The following RCAN2 variants were observed in gnomAD, a reference collection of about 807,000 sequenced individuals.
RCAN2 encodes the protein calcipressin-2.
A neutral mutation model predicts 23.6 loss-of-function variants in RCAN2; 9 were observed. That is an observed-to-expected ratio of 0.38 (90% CI 0.23 to 0.67). The LOEUF (loss-of-function observed/expected upper bound fraction) is 0.67. Ranked by LOEUF, RCAN2 falls within the 30% of genes least tolerant of loss-of-function variation. RCAN2 has a pLI of 0.51. For missense variants in RCAN2, 273 were observed against 302.3 expected (o/e 0.90, Z 0.72); for synonymous variants, 109 against 115.7 (o/e 0.94, Z 0.37).
intron 2 of RCAN2, among the ~76,000 whole-genome samples, chr6:46,369,838 C>G (rs183823775): frequency 2.0e-5 from 3 of 152,246 alleles, no homozygotes; most frequent in Admixed American, 2.0e-4. Context: ...ACAAGAGCAG[C>G]TAATCACTTT....
intron 1 of RCAN2, among the ~76,000 whole-genome samples, chr6:46,476,507 A>G (rs186480432): frequency 1.3e-5 from 2 of 152,320 alleles, no homozygotes; most frequent in Admixed American, 1.3e-4. Flanking sequence ...GAGTAACAAA[A>G]CATGGTGCCA....
Position 46,456,988 on chromosome 6 carries a change from C to A in RCAN2, c.-2-10G>T. 1.3e-6 allele frequency: 2 copies of A among 1,524,712 alleles called. No homozygotes were observed. Among genetic ancestry groups the A allele is most frequent in the Non-Finnish European group, 1.8e-6 (2 of 1,123,946 alleles). 94.4% of individuals were successfully genotyped at this position (1,524,712 alleles called of 1,614,324 possible). A position where few individuals can be genotyped will look rare whatever the true frequency, so the allele number is the denominator to read the frequency against. ...GATTCTCCCCTCATTCCTGGGGATA[C>A]AAAGATGAGCATGTGTTACTGCAGA... On this transcript the variant is annotated splice_polypyrimidine_tract_variant and intron_variant, in intron 1 of 4. Transcript: ENST00000371374.
chr6:46,432,549 A>G (rs1331891071), intron 2 of RCAN2, among the ~76,000 whole-genome samples: 1 of 152,100 alleles, frequency 6.6e-6, no homozygotes, highest in Non-Finnish European at 1.5e-5. Context: ...TAAATAAATA[A>G]TTTGGTGTGC....
intron 1 of RCAN2, among the ~76,000 whole-genome samples, chr6:46,473,670 G>A (rs1168566498): frequency 6.6e-6 from 1 of 152,042 alleles, no homozygotes; most frequent in African/African-American, 2.4e-5. Context: ...ACTAACTTGG[G>A]ATTTTTTTAA....
intron 2 of RCAN2, among the ~76,000 whole-genome samples, chr6:46,349,144 A>C (rs1764574713): frequency 6.6e-6 from 1 of 152,212 alleles, no homozygotes; most frequent in East Asian, 1.9e-4. Flanking sequence ...CTTGTTTCAC[A>C]GCTTTTATTG....
intron 2 of RCAN2, among the ~76,000 whole-genome samples, chr6:46,320,895 C>T (rs905832858): frequency 6.6e-6 from 1 of 152,028 alleles, no homozygotes; most frequent in Non-Finnish European, 1.5e-5. Flanking sequence ...AAAAGAGTCT[C>T]CTTAAAAAAA....
intron 4 of RCAN2, among the ~76,000 whole-genome samples, chr6:46,228,578 C>T (rs569437591): frequency 6.6e-6 from 1 of 152,238 alleles, no homozygotes; most frequent in East Asian, 1.9e-4. Context: ...TCTGTTTTAT[C>T]AGAGACTAGG....
At chr6:46,414,467 G>A (rs9395189) in intron 2 of RCAN2, among the ~76,000 whole-genome samples, 62,160 of 152,100 alleles carry the variant, frequency 0.41, 15,677 homozygotes, top group East Asian at 0.6. Flanking sequence ...CTTATGTGTC[G>A]AACTTGGCTA....
At chr6:46,243,539 G>A (rs1056027133) in intron 4 of RCAN2, among the ~76,000 whole-genome samples, 19 of 152,174 alleles carry the variant, frequency 1.2e-4, no homozygotes, top group African/African-American at 4.3e-4. Flanking sequence ...GGCCTAGCGC[G>A]GTGGCTCATG....
intron 2 of RCAN2, among the ~76,000 whole-genome samples, chr6:46,353,148 G>GT (rs1443526254): frequency 6.6e-6 from 1 of 152,134 alleles, no homozygotes; most frequent in Non-Finnish European, 1.5e-5. Flanking sequence ...CCCTGGGTGG[G>GT]TTTTTAGTAT....
chr6:46,467,837 C>T (rs1397957265), intron 1 of RCAN2, among the ~76,000 whole-genome samples: 4 of 152,188 alleles, frequency 2.6e-5, no homozygotes, highest in Admixed American at 6.5e-5. Flanking sequence ...GAGACTGTAC[C>T]TCCACAGTGA....
chr6:46,305,110 C>T (rs926128945), intron 2 of RCAN2, among the ~76,000 whole-genome samples: 4 of 152,120 alleles, frequency 2.6e-5, no homozygotes, highest in African/African-American at 7.2e-5. Flanking sequence ...CAGTTTGCAA[C>T]CTGAGGACCT....
chr6:46,294,639 T>C (rs549197721), intron 2 of RCAN2, among the ~76,000 whole-genome samples: 2 of 152,284 alleles, frequency 1.3e-5, no homozygotes, highest in African/African-American at 4.8e-5. Context: ...TTTAATGATA[T>C]GGGATAATGC....
chr6:46,368,818 C>T (rs531480630), intron 2 of RCAN2, among the ~76,000 whole-genome samples: 7 of 152,250 alleles, frequency 4.6e-5, no homozygotes, highest in Non-Finnish European at 8.8e-5. Context: ...CTAGAACATT[C>T]ACTTTATAAA....
At chr6:46,330,435 A>G (rs1763932101) in intron 2 of RCAN2, among the ~76,000 whole-genome samples, 1 of 152,214 alleles carries the variant, frequency 6.6e-6, no homozygotes, top group African/African-American at 2.4e-5. Flanking sequence ...GCATCATATC[A>G]TTTCATTTAT....
Position 46,488,230 on chromosome 6 carries a change from C to T in RCAN2, c.-3+2943G>A, listed in dbSNP as rs540539663. On this transcript the variant is annotated intron_variant, in intron 1 of 4. Transcript: ENST00000371374. The stretch of plus-strand genomic sequence containing the variant: ...AGCCTGGGCTTCAATTCTAGGTGCA[C>T]GTCTTACAAACTGTGTGACCCACGC... 4.6e-5 allele frequency among the ~76,000 whole-genome samples: 7 copies of T among 152,308 alleles called. 1 individual carries two copies. The highest frequency in any genetic ancestry group is 3.9e-4 in the East Asian group (2 of 5,180).
intron 2 of RCAN2, among the ~76,000 whole-genome samples, chr6:46,312,197 A>G (rs1763286212): frequency 6.6e-6 from 1 of 152,172 alleles, no homozygotes; most frequent in Admixed American, 6.5e-5. Context: ...AGTTAAGTAC[A>G]AGGACATGGT....
intron 1 of RCAN2, among the ~76,000 whole-genome samples, chr6:46,457,229 A>AC (rs1768064527): frequency 6.6e-6 from 1 of 152,170 alleles, no homozygotes; most frequent in South Asian, 2.1e-4. Flanking sequence ...AAACAGACAA[A>AC]CAAATAGGTA....
At chr6:46,362,347 G>A (rs923730520) in intron 2 of RCAN2, among the ~76,000 whole-genome samples, 1 of 152,028 alleles carries the variant, frequency 6.6e-6, no homozygotes, top group Admixed American at 6.5e-5. Context: ...TGTAGATGCT[G>A]TAAGATTATA....
Sources: gnomAD v4.1 joint callset for allele counts (sites outside exome capture counted in the v4.1 genomes callset) on GRCh38, gnomAD v4.1.1 for gene constraint, MANE v1.5 for transcripts, NCBI Gene and HGNC (gene_info 2026-07-23, HGNC 2026-07-21) for gene names.